Variants in DAB1 observed in about 807,000 individuals in gnomAD.
DAB1 encodes DAB adaptor protein 1.
DAB1 carries 15 observed loss-of-function variants against 64.6 expected under a neutral mutation model. The observed-to-expected ratio is 0.23, with a 90% confidence interval of 0.16 to 0.36. The LOEUF is 0.36. Among genes scored for constraint, DAB1 ranks in the 10% least tolerant of loss-of-function variants. DAB1 has a pLI of 1.00. For synonymous variants in DAB1, 235 were observed against 251.9 expected (o/e 0.93, Z 0.64); for missense variants, 596 against 706.7 (o/e 0.84, Z 1.78).
At chr1:57,998,190 A>AT (rs999838125) in intron 5 of DAB1, among the ~76,000 whole-genome samples, 2 of 152,278 alleles carry the variant, frequency 1.3e-5, no homozygotes, top group Admixed American at 1.3e-4. Flanking sequence ...AGGCCCTGGA[A>AT]TAGTCTGGGT....
chr1:58,107,311 A>T (rs559117558), intron 5 of DAB1, among the ~76,000 whole-genome samples: 1 of 150,890 alleles, frequency 6.6e-6, no homozygotes, highest in Admixed American at 6.6e-5. Context: ...TACAAAAAAA[A>T]AAAAAAAAAA....
At chr1:57,253,442 T>G (rs1348065882) in intron 2 of DAB1, among the ~76,000 whole-genome samples, 1 of 151,570 alleles carries the variant, frequency 6.6e-6, no homozygotes, top group Non-Finnish European at 1.5e-5. Context: ...GGGAGAGGAG[T>G]ATGATGAACC....
chr1:58,366,922 G>T (rs1393450153), intron 3 of DAB1, among the ~76,000 whole-genome samples: 2 of 152,130 alleles, frequency 1.3e-5, no homozygotes, highest in Non-Finnish European at 2.9e-5. Context: ...ACATTAATTG[G>T]TCATAAGACA....
chr1:58,250,422 C>A (rs1290538840), intron 4 of DAB1, among the ~76,000 whole-genome samples: 1 of 152,220 alleles, frequency 6.6e-6, no homozygotes, highest in Non-Finnish European at 1.5e-5. Flanking sequence ...CTAGCGGCTC[C>A]GCTGGCAGCA....
intron 6 of DAB1, among the ~76,000 whole-genome samples, chr1:57,652,141 C>A (rs1292076059): frequency 6.6e-6 from 1 of 152,216 alleles, no homozygotes; most frequent in Non-Finnish European, 1.5e-5. Context: ...ACAACATATG[C>A]AATTTCCCCA....
At chr1:57,373,300 C>T (rs1387300838) in intron 1 of DAB1, among the ~76,000 whole-genome samples, 1 of 152,174 alleles carries the variant, frequency 6.6e-6, no homozygotes, top group African/African-American at 2.4e-5. Context: ...GTTCTGTGAC[C>T]TCTTAATGAT....
rs184498408 is a variant in DAB1 at position 57,505,115 on chromosome 1, A to T, written n.625+144477T>A. Among the ~76,000 whole-genome samples, 9 of 148,316 alleles carry T rather than the reference A, an allele frequency of 6.1e-5. No individual in the cohort carries two copies. In the East Asian group the frequency reaches 1.6e-3, roughly 26 times the overall value. Reference sequence around the variant, plus strand: ...TCATGTATCAATATTGGTTTGTTGTAAAAAAAAAAGTACCTTACTAAAATG... The same window carrying T: ...TCATGTATCAATATTGGTTTGTTGTTAAAAAAAAAGTACCTTACTAAAATG... On this transcript the variant is annotated intron_variant and non_coding_transcript_variant, in intron 7 of 20. Transcript: ENST00000485760.
chr1:57,142,524 T>C (rs1658698818), intron 3 of DAB1, among the ~76,000 whole-genome samples: 1 of 151,814 alleles, frequency 6.6e-6, no homozygotes, highest in Non-Finnish European at 1.5e-5. Context: ...GAGTATGTTA[T>C]AGTAGGACAA....
chr1:57,836,449 C>T (rs1376429806), intron 1 of DAB1, among the ~76,000 whole-genome samples: 1 of 152,168 alleles, frequency 6.6e-6, no homozygotes, highest in Non-Finnish European at 1.5e-5. Flanking sequence ...TCTGGTGGTA[C>T]TCTTCTTTTC....
At chr1:57,690,055 G>A (rs1420640956) in intron 6 of DAB1, among the ~76,000 whole-genome samples, 1 of 152,102 alleles carries the variant, frequency 6.6e-6, no homozygotes, top group Non-Finnish European at 1.5e-5. Flanking sequence ...ATGACCTCCA[G>A]TGCCATCCAT....
intron 2 of DAB1, among the ~76,000 whole-genome samples, chr1:57,274,927 T>TA (rs11423501): frequency 0.48 from 72,492 of 149,856 alleles, 17,729 homozygotes; most frequent in Admixed American, 0.62. Flanking sequence ...CTTAACTGCT[T>TA]AAAAAAAAAT....
intron 4 of DAB1, among the ~76,000 whole-genome samples, chr1:58,220,744 T>C (rs1475024362): frequency 6.6e-6 from 1 of 152,128 alleles, no homozygotes; most frequent in Non-Finnish European, 1.5e-5. Flanking sequence ...TTATAGAGTT[T>C]CTGGGATAAT....
intron 1 of DAB1, among the ~76,000 whole-genome samples, chr1:57,354,052 A>C (rs1053036704): frequency 6.6e-6 from 1 of 152,128 alleles, no homozygotes; most frequent in Non-Finnish European, 1.5e-5. Context: ...TTCATTTATT[A>C]TGAGACCACA....
chr1:57,587,165 A>G (rs1283413479), intron 7 of DAB1, among the ~76,000 whole-genome samples: 2 of 152,164 alleles, frequency 1.3e-5, no homozygotes, highest in Non-Finnish European at 2.9e-5. Context: ...TTCCTAAATG[A>G]GTAAAAATCT....
intron 6 of DAB1, among the ~76,000 whole-genome samples, chr1:57,673,623 G>A (rs112757490): frequency 1.6e-4 from 24 of 152,098 alleles, no homozygotes; most frequent in African/African-American, 4.3e-4. Context: ...TTGACATTTC[G>A]GAGCAGTAAA....
chr1:58,036,689 C>T (rs780022530), intron 5 of DAB1, among the ~76,000 whole-genome samples: 19 of 152,114 alleles, frequency 1.2e-4, no homozygotes, highest in Middle Eastern at 3.4e-3. Flanking sequence ...AGCTAAAATA[C>T]GGTGAGAGTG....
chr1:57,845,441 C>A (rs1490456339), intron 1 of DAB1, among the ~76,000 whole-genome samples: 1 of 152,156 alleles, frequency 6.6e-6, no homozygotes, highest in African/African-American at 2.4e-5. Context: ...GATCCTCTAA[C>A]TGTTGTGGTA....
chr1:58,505,081 T>C (rs905449543), intron 3 of DAB1, among the ~76,000 whole-genome samples: 2 of 152,008 alleles, frequency 1.3e-5, no homozygotes, highest in Admixed American at 6.6e-5. Context: ...ATCTCCCGAG[T>C]AGCTGGGATT....
intron 4 of DAB1, among the ~76,000 whole-genome samples, chr1:58,301,054 G>A (rs968421550): frequency 1.3e-4 from 19 of 151,872 alleles, no homozygotes; most frequent in Non-Finnish European, 2.4e-4. Context: ...ATGAATAGAG[G>A]GCCTCACCCT....
Sources: gnomAD v4.1 joint callset for allele counts (sites outside exome capture counted in the v4.1 genomes callset) on GRCh38, gnomAD v4.1.1 for gene constraint, MANE v1.5 for transcripts, NCBI Gene and HGNC (gene_info 2026-07-23, HGNC 2026-07-21) for gene names.